Variants in BDNF observed in about 807,000 individuals in gnomAD.
The protein encoded by BDNF is brain derived neurotrophic factor.
Under a neutral mutation model 19.5 loss-of-function variants are expected in BDNF, and 1 was observed. That is an observed-to-expected ratio of 0.05 (90% CI 0.02 to 0.24). BDNF has a LOEUF of 0.24. Among genes scored for constraint, BDNF ranks in the 10% least tolerant of loss-of-function variants. The pLI is 1.00. For synonymous variants in BDNF, 100 were observed against 121.6 expected (o/e 0.82, Z 1.17); for missense variants, 195 against 317.6 (o/e 0.61, Z 2.93).
chr11:27,660,180 G>C (rs572365353), intron 1 of BDNF: 2 of 1,184,386 alleles, frequency 1.7e-6, no homozygotes, highest in South Asian at 1.7e-5. Context: ...TCAGAATGCA[G>C]AAATGGCTGA....
Position 27,656,789 on chromosome 11 carries a change from TA to T in BDNF, c.*1031del. ...TAAAAAATAATCTTCATTTTGGGGTTATTTTTTGTTGTTTTCTGTTCTAAAA... is the reference window on the plus strand; with the variant it reads ...TAAAAAATAATCTTCATTTTGGGGTTTTTTTTGTTGTTTTCTGTTCTAAAA... On this transcript the variant is annotated 3_prime_UTR_variant, in exon 2 of 2. Transcript: ENST00000356660. 1.0e-6 allele frequency: 1 copy of T among 985,408 alleles called. No individual in the cohort carries two copies. The allele number at this position is 985,408 out of a possible 1,614,324, so 61.0% of individuals were successfully genotyped here. A position where few individuals can be genotyped will look rare whatever the true frequency, so the allele number is the denominator to read the frequency against.
At chr11:27,698,986 G>A (rs184353460) in intron 1 of BDNF, among the ~76,000 whole-genome samples, 2 of 152,250 alleles carry the variant, frequency 1.3e-5, no homozygotes, top group Non-Finnish European at 2.9e-5. Context: ...CCGACGACGA[G>A]TCGCACGCCC....
chr11:27,695,614 T>G (rs1018125446), intron 1 of BDNF, among the ~76,000 whole-genome samples: 6 of 152,170 alleles, frequency 3.9e-5, no homozygotes, highest in Non-Finnish European at 7.4e-5. Flanking sequence ...AAGTGAACCT[T>G]TGGGGAAAAC....
Position 27,721,704 on chromosome 11 carries a change from G to A in BDNF, c.-290C>T. The A allele has an allele frequency of 5.7e-6, 3 of 526,240 alleles. No homozygotes were observed. In the South Asian group the frequency reaches 7.0e-5, roughly 12 times the overall value. The allele number at this position is 526,240 out of a possible 1,614,324, so 32.6% of individuals were successfully genotyped here. A position where few individuals can be genotyped will look rare whatever the true frequency, so the allele number is the denominator to read the frequency against. ...CTCCGAGAGACACGTTTCCTTTTGA[G>A]TTCTTACGTGATTCTAATGAATGAG... On this transcript the variant is annotated 5_prime_UTR_variant, in exon 1 of 2. Coordinates refer to the BDNF transcript ENST00000314915.
At chr11:27,662,162 G>A (rs1367027718) in intron 1 of BDNF, among the ~76,000 whole-genome samples, 7 of 152,024 alleles carry the variant, frequency 4.6e-5, no homozygotes, top group Admixed American at 2.6e-4. Context: ...CACCATGCCC[G>A]GCTAATTTTT....
At chr11:27,683,765 C>G (rs1453953375) in intron 1 of BDNF, among the ~76,000 whole-genome samples, 3 of 151,974 alleles carry the variant, frequency 2.0e-5, no homozygotes, top group African/African-American at 4.8e-5. Flanking sequence ...ATTGGTCTAT[C>G]TATCTGTTTA....
chr11:27,716,208 T>C (rs1422082041), intron 1 of BDNF, among the ~76,000 whole-genome samples: 1 of 152,166 alleles, frequency 6.6e-6, no homozygotes, highest in Non-Finnish European at 1.5e-5. Context: ...GAAATTATAA[T>C]CACCTTTAAG....
At chr11:27,717,350 A>C (rs1860553312) in intron 1 of BDNF, among the ~76,000 whole-genome samples, 1 of 152,200 alleles carries the variant, frequency 6.6e-6, no homozygotes, top group East Asian at 1.9e-4. Flanking sequence ...TGAAAATGAT[A>C]TGTGCAAAGA....
In BDNF at chr11:27,659,659, G is replaced by A. The variant is rs544834280; in HGVS notation, c.-21-1074C>T. 629 of 977,706 alleles carry A rather than the reference G, an allele frequency of 6.4e-4. 2 individuals are homozygous for A. In the African/African-American group the frequency reaches 8.7e-3, roughly 14 times the overall value. The allele number at this position is 977,706 out of a possible 1,614,324, so 60.6% of individuals were successfully genotyped here. On this transcript the variant is annotated intron_variant, in intron 1 of 1. Transcript: ENST00000356660. ...TGTGTGTGTGTGTGTGCGCGCGCGC[G>A]TGTGCGCGCGCTCTGAGTTTATCCT...
chr11:27,709,253 A>G (rs1860234182), intron 1 of BDNF, among the ~76,000 whole-genome samples: 1 of 152,180 alleles, frequency 6.6e-6, no homozygotes, highest in African/African-American at 2.4e-5. Context: ...CTGTTGTCCA[A>G]TCTCAGATAA....
chr11:27,692,965 C>G (rs1409672971), intron 1 of BDNF, among the ~76,000 whole-genome samples: 1 of 152,148 alleles, frequency 6.6e-6, no homozygotes, highest in Non-Finnish European at 1.5e-5. Flanking sequence ...CTTCTCAACC[C>G]AACATTCAAA....
chr11:27,719,673 G>A lies in BDNF; in HGVS notation c.3+1739C>T, dbSNP rs554301099. Reference sequence around the variant, plus strand: ...GAAAACCCAGAAAGAAGCATCCAGCGAGGAGCGAGGGCGACGGAGAGGAAG... The same window carrying A: ...GAAAACCCAGAAAGAAGCATCCAGCAAGGAGCGAGGGCGACGGAGAGGAAG... On this transcript the variant is annotated intron_variant, in intron 1 of 1. Transcript: ENST00000314915. 11 of 984,066 alleles carry A rather than the reference G, an allele frequency of 1.1e-5. No homozygotes were observed. In the African/African-American group the frequency reaches 1.4e-4, roughly 13 times the overall value. 61.0% of individuals were successfully genotyped at this position (984,066 alleles called of 1,614,324 possible).
chr11:27,669,038 G>A (rs1041657655), intron 1 of BDNF, among the ~76,000 whole-genome samples: 4 of 152,174 alleles, frequency 2.6e-5, no homozygotes, highest in African/African-American at 9.7e-5. Context: ...GAATCCAGCA[G>A]AACATCAAAA....
intron 1 of BDNF, chr11:27,721,320 C>T (rs970531614): frequency 2.8e-6 from 4 of 1,420,670 alleles, no homozygotes; most frequent in Admixed American, 1.7e-5. Context: ...TGTTCTTTGG[C>T]GTGTGAAGTG....
chr11:27,663,916 C>T (rs1165332570), intron 1 of BDNF, among the ~76,000 whole-genome samples: 1 of 152,076 alleles, frequency 6.6e-6, no homozygotes, highest in East Asian at 1.9e-4. Flanking sequence ...GATGAAATTT[C>T]AGACAATGTG....
chr11:27,654,953 T>G lies in BDNF; in HGVS notation c.*2868A>C, dbSNP rs979164730. ...AAAATTCTATATTTAAAACATATAT[T>G]ATATGTTAATTAGTACACTTAAATA... On this transcript the variant is annotated 3_prime_UTR_variant, in exon 2 of 2. Coordinates refer to ENST00000356660, the MANE Select transcript of BDNF (RefSeq NM_001709.5). The G allele has an allele frequency of 6.6e-6, 1 of 152,138 alleles. No homozygotes were observed. The highest frequency in any genetic ancestry group is 1.5e-5 in the Non-Finnish European group (1 of 67,948). The allele number at this position is 152,138 out of a possible 1,614,324, so 9.4% of individuals were successfully genotyped here.
At position 27,660,468 on chromosome 11, in the gene BDNF, C is replaced by T. The variant is rs193044018; in HGVS notation, c.-21-1883G>A. ...GTCCTGTACCATCAAAGAAATAGATCGTCCATGGGGGTTTCTATTTCTGGT... is the reference window on the plus strand; with the variant it reads ...GTCCTGTACCATCAAAGAAATAGATTGTCCATGGGGGTTTCTATTTCTGGT... On this transcript the variant is annotated intron_variant, in intron 1 of 1. Transcript: ENST00000356660. Among the ~76,000 whole-genome samples, 1,341 of 152,248 alleles carry T rather than the reference C, an allele frequency of 8.8e-3. 11 individuals are homozygous for T. Among genetic ancestry groups the T allele is most frequent in the Non-Finnish European group, 0.014 (961 of 67,996 alleles).
chr11:27,700,860 A>C (rs970266983), upstream of BDNF: 52 of 1,265,388 alleles, frequency 4.1e-5, no homozygotes, highest in African/African-American at 7.5e-4. Flanking sequence ...GCGAGTGAGA[A>C]TCGCACGCCC....
chr11:27,705,759 C>T (rs1054800240), intron 1 of BDNF, among the ~76,000 whole-genome samples: 5 of 152,150 alleles, frequency 3.3e-5, no homozygotes, highest in South Asian at 4.1e-4. Flanking sequence ...TGGAAACATC[C>T]GAAACTCCTG....
Sources: gnomAD v4.1 joint callset for allele counts (sites outside exome capture counted in the v4.1 genomes callset) on GRCh38, gnomAD v4.1.1 for gene constraint, MANE v1.5 for transcripts, NCBI Gene and HGNC (gene_info 2026-07-23, HGNC 2026-07-21) for gene names.